Variants in RBPMS observed in about 807,000 individuals in gnomAD.
The protein encoded by RBPMS is RNA binding protein, mRNA processing factor, also known as RNA-binding protein with multiple splicing.
A neutral mutation model predicts 26.8 loss-of-function variants in RBPMS; 7 were observed. The observed-to-expected ratio is 0.26, with a 90% CI of 0.15 to 0.49. The LOEUF (loss-of-function observed/expected upper bound fraction) is 0.49, where lower values mean the gene tolerates loss of function less well. Ranked by LOEUF, RBPMS falls within the 20% of genes least tolerant of loss-of-function variation. RBPMS has a pLI of 0.98. For synonymous variants in RBPMS, 96 were observed against 93.3 expected (o/e 1.03, Z -0.17); for missense variants, 186 against 250.0 (o/e 0.74, Z 1.73).
At chr8:30,428,802 A>G (rs1402537839) in intron 1 of RBPMS, among the ~76,000 whole-genome samples, 6 of 152,036 alleles carry the variant, frequency 3.9e-5, no homozygotes, top group Admixed American at 3.3e-4. Context: ...AGGGTAAGAA[A>G]ACTCATGTAC....
At chr8:30,419,238 G>T (rs1294922101) in intron 1 of RBPMS, among the ~76,000 whole-genome samples, 2 of 152,146 alleles carry the variant, frequency 1.3e-5, no homozygotes, top group Non-Finnish European at 2.9e-5. Flanking sequence ...CTGAGGTTGG[G>T]TGTTCAAGAC....
intron 5 of RBPMS, among the ~76,000 whole-genome samples, chr8:30,543,294 C>T (rs1825575106): frequency 6.6e-6 from 1 of 152,190 alleles, no homozygotes; most frequent in African/African-American, 2.4e-5. Flanking sequence ...AGCAGTCCCA[C>T]ATCACACCGA....
chr8:30,534,128 C>CAAA (rs71937602), intron 5 of RBPMS, among the ~76,000 whole-genome samples: 9 of 144,786 alleles, frequency 6.2e-5, no homozygotes, highest in East Asian at 4.1e-4. Context: ...ACGAGACTCT[C>CAAA]AAAAAAAAAA....
At chr8:30,466,123 A>G (rs1432210978) in intron 1 of RBPMS, among the ~76,000 whole-genome samples, 2 of 152,160 alleles carry the variant, frequency 1.3e-5, no homozygotes, top group Non-Finnish European at 2.9e-5. Context: ...GTTATTCTAC[A>G]GATTGTGTCA....
chr8:30,528,685 C>A (rs1563414163), intron 5 of RBPMS, among the ~76,000 whole-genome samples: 3 of 152,144 alleles, frequency 2.0e-5, no homozygotes, highest in Non-Finnish European at 4.4e-5. Flanking sequence ...TAGTCATTAT[C>A]CTCATTTTAC....
rs1041355442 is a variant in RBPMS at position 30,556,457 on chromosome 8, G to A, written c.529-2430G>A. The A allele has an allele frequency of 2.6e-5, 26 of 985,772 alleles. No individual in the cohort carries two copies. The East Asian group carries it at 3.4e-4, about 13-fold the overall frequency. The allele number at this position is 985,772 out of a possible 1,614,324, so 61.1% of individuals were successfully genotyped here. On this transcript the variant is annotated intron_variant, in intron 6 of 8. Transcript: ENST00000397323. ...CTTCCTTCTCGCAGTCACCTGCACC[G>A]AAAGCAGAACCATGCCATCCACTGT...
intron 6 of RBPMS, 107 bp from the exon 7 acceptor site, chr8:30,558,780 G>C (rs771239445): frequency 1.1e-6 from 1 of 919,396 alleles, no homozygotes; most frequent in South Asian, 1.3e-5. Flanking sequence ...AGTGTGAGTG[G>C]GTACCATCTT....
In RBPMS at chr8:30,571,573, CA is replaced by C. The variant is rs1379137329; in HGVS notation, c.*1052del. On this transcript the variant is annotated 3_prime_UTR_variant, in exon 9 of 9. Transcript: ENST00000397323. ...GTATCTCCAAAGTGATGTTTGTTTG[CA>C]AAACACCGGCTGAACTGAGCTGGTG... is the stretch of plus-strand genomic sequence containing the variant. 1 of 152,268 alleles carries C rather than the reference CA, an allele frequency of 6.6e-6. No individual in the cohort carries two copies. Among genetic ancestry groups the C allele is most frequent in the Non-Finnish European group, 1.5e-5 (1 of 68,056 alleles). 9.4% of individuals were successfully genotyped at this position (152,268 alleles called of 1,614,324 possible).
intron 1 of RBPMS, among the ~76,000 whole-genome samples, chr8:30,456,036 T>C (rs1438496100): frequency 6.6e-6 from 1 of 152,192 alleles, no homozygotes. Context: ...TGTTTTGATA[T>C]AATTGGAAGA....
chr8:30,556,672 A>C (rs1429448825), intron 6 of RBPMS: 9 of 985,480 alleles, frequency 9.1e-6, no homozygotes, highest in Non-Finnish European at 1.1e-5. Context: ...CCAGCCCCCC[A>C]CCTGCCATGG....
chr8:30,409,861 G>A (rs1809100489), intron 1 of RBPMS, among the ~76,000 whole-genome samples: 1 of 151,340 alleles, frequency 6.6e-6, no homozygotes, highest in African/African-American at 2.4e-5. Flanking sequence ...TCGATCTCCT[G>A]ACCTTGTGAT....
chr8:30,428,811 A>G (rs1811636657), intron 1 of RBPMS, among the ~76,000 whole-genome samples: 1 of 151,962 alleles, frequency 6.6e-6, no homozygotes, highest in Non-Finnish European at 1.5e-5. Context: ...AAACTCATGT[A>G]CACTATTTTA....
chr8:30,449,431 C>T (rs1361377225), intron 1 of RBPMS, among the ~76,000 whole-genome samples: 2 of 145,618 alleles, frequency 1.4e-5, no homozygotes, highest in Admixed American at 6.9e-5. Flanking sequence ...AGTGCAATGG[C>T]ACGATTTCAG....
intron 4 of RBPMS, among the ~76,000 whole-genome samples, chr8:30,495,844 C>T (rs955692661): frequency 6.6e-6 from 1 of 152,180 alleles, no homozygotes; most frequent in Non-Finnish European, 1.5e-5. Context: ...GAACAACAGC[C>T]TCAGTTATTA....
intron 1 of RBPMS, among the ~76,000 whole-genome samples, chr8:30,427,777 C>T (rs970109154): frequency 2.0e-5 from 3 of 152,128 alleles, no homozygotes; most frequent in African/African-American, 7.2e-5. Context: ...GAACACAGGA[C>T]GCAGATTCTA....
At chr8:30,534,107 C>T (rs1275633559) in intron 5 of RBPMS, among the ~76,000 whole-genome samples, 1 of 149,290 alleles carries the variant, frequency 6.7e-6, no homozygotes, top group African/African-American at 2.5e-5. Context: ...GACTCCAGCC[C>T]GGGTGACAGC....
chr8:30,459,737 A>G (rs1487868320), intron 1 of RBPMS, among the ~76,000 whole-genome samples: 1 of 152,224 alleles, frequency 6.6e-6, no homozygotes, highest in Non-Finnish European at 1.5e-5. Flanking sequence ...CCTCAATTTA[A>G]TGGTCTTTTC....
intron 6 of RBPMS, chr8:30,545,489 C>A: frequency 2.1e-6 from 2 of 966,538 alleles, no homozygotes; most frequent in Non-Finnish European, 2.5e-6. Context: ...TTTCATTTGT[C>A]TTTCTGCATG....
rs777814831 is a variant in RBPMS, at chr8:30,538,741, T to TC, written c.398-5751dup. On this transcript the variant is annotated intron_variant, in intron 5 of 8. Transcript: ENST00000397323. ...AAATCACGGTGTCAGCAGTGTTGGA[T>TC]CCTCTGGAGGCTCTGAGGCATTCCT... Among the ~76,000 whole-genome samples the TC allele has an allele frequency of 3.3e-5, 5 of 152,246 alleles. No individual in the cohort carries two copies. The South Asian group carries it at 1.0e-3, about 32-fold the overall frequency.
Sources: allele counts gnomAD v4.1 joint callset (sites outside exome capture counted in the v4.1 genomes callset), GRCh38; gene constraint gnomAD v4.1.1; transcripts MANE v1.5; gene names NCBI Gene and HGNC (gene_info 2026-07-23, HGNC 2026-07-21).